The following KLB variants were observed in gnomAD, a reference collection of about 807,000 sequenced individuals.
KLB encodes the protein beta-klotho.
In KLB, 44 loss-of-function variants were observed where a neutral mutation model predicts 88.4. The ratio of observed to expected loss-of-function variants is 0.50; its 90% CI spans 0.39 to 0.64. The LOEUF (loss-of-function observed/expected upper bound fraction) is 0.64, where lower values mean the gene tolerates loss of function less well. Ranked by LOEUF, KLB falls within the 30% of genes least tolerant of loss-of-function variation. The probability of loss-of-function intolerance (pLI) is 0.00; values close to 1 mark genes in which losing one functional copy is unlikely to be tolerated. For synonymous variants in KLB, 548 were observed against 513.4 expected (o/e 1.07, Z -0.91); for missense variants, 1,137 against 1,304.8 (o/e 0.87, Z 1.98).
chr4:39,433,602 G>A (rs562287829), intron 1 of KLB, among the ~76,000 whole-genome samples: 59 of 152,316 alleles, frequency 3.9e-4, no homozygotes, highest in African/African-American at 1.4e-3. Flanking sequence ...GCTCATGCCT[G>A]TAATCCCAAC....
At position 39,450,673 on chromosome 4, in the gene KLB, A is replaced by C. The variant is rs1743871554; in HGVS notation, c.*1987A>C. ...GAGAACTATGTACCTAAGGTCACGC[A>C]TACAACTAGTCAATTCTGTTTTTAT... On this transcript the variant is annotated 3_prime_UTR_variant, in exon 5 of 5. Transcript: ENST00000257408. 6.6e-6 allele frequency: 1 copy of C among 152,188 alleles called. No individual in the cohort carries two copies. The highest frequency in any genetic ancestry group is 2.1e-4 in the South Asian group (1 of 4,832). The allele number at this position is 152,188 out of a possible 1,614,324, so 9.4% of individuals were successfully genotyped here. A position where few individuals can be genotyped will look rare whatever the true frequency, so the allele number is the denominator to read the frequency against.
intron 1 of KLB, among the ~76,000 whole-genome samples, chr4:39,432,688 G>GT (rs1468466707): frequency 6.6e-6 from 1 of 152,116 alleles, no homozygotes; most frequent in Non-Finnish European, 1.5e-5. Context: ...TGCTCAGGAA[G>GT]TATCTATCAT....
rs1198372571 is a variant in KLB, at chr4:39,448,434, G to A, written c.2883G>A (p.Val961=). 6.2e-7 allele frequency: 1 copy of A among 1,614,160 alleles called. No individual in the cohort carries two copies. The highest frequency in any genetic ancestry group is 1.7e-5 in the Admixed American group (1 of 60,020). The part of the protein sequence containing the change: ...AKSSIQFYNK[V]ISSRGFPFEN... ...CCTCAATACAATTTTACAACAAAGT[G>A]ATCAGCAGCAGGGGCTTCCCTTTTG... The change falls in exon 5 of 5, where the codon GTG becomes GTA. Residue 961 remains valine, a synonymous_variant. Transcript: ENST00000257408.
chr4:39,441,807 T>TAAATAAAGAAAG (rs1188575349), intron 3 of KLB: 9 of 148,490 alleles, frequency 6.1e-5, no homozygotes, highest in African/African-American at 1.7e-4. Context: ...AATAAATAAA[T>TAAATAAAGAAAG]AAAGATGAAT....
In KLB at chr4:39,450,630, G is replaced by A. The variant is rs551565790; in HGVS notation, c.*1944G>A. 6.6e-6 allele frequency: 1 copy of A among 152,202 alleles called. No individual in the cohort carries two copies. Among genetic ancestry groups the A allele is most frequent in the East Asian group, 1.9e-4 (1 of 5,184 alleles). The allele number at this position is 152,202 out of a possible 1,614,324, so 9.4% of individuals were successfully genotyped here. A position where few individuals can be genotyped will look rare whatever the true frequency, so the allele number is the denominator to read the frequency against. On this transcript the variant is annotated 3_prime_UTR_variant, in exon 5 of 5. Transcript: ENST00000257408. ...GTATGATTTTCAAGGAATTTTTTTA[G>A]TATTAACATCTCCCTCTGAGAACTA...
At chr4:39,431,003 G>A (rs546866705) in intron 1 of KLB, among the ~76,000 whole-genome samples, 2 of 149,594 alleles carry the variant, frequency 1.3e-5, no homozygotes, top group Non-Finnish European at 3.0e-5. Flanking sequence ...TGCAACCTCC[G>A]CCTCCCTGGC....
intron 1 of KLB, 87 bp downstream of exon 1, chr4:39,407,861 G>A: frequency 1.3e-6 from 1 of 761,246 alleles, no homozygotes; most frequent in East Asian, 2.6e-5. Context: ...TCTCTTCACT[G>A]AAATCAAGGC....
chr4:39,421,586 C>A (rs1025232444), intron 1 of KLB, among the ~76,000 whole-genome samples: 1 of 152,144 alleles, frequency 6.6e-6, no homozygotes, highest in African/African-American at 2.4e-5. Context: ...CCCGTCTCTA[C>A]TAAAAATACA....
intron 1 of KLB, among the ~76,000 whole-genome samples, chr4:39,413,567 AT>A (rs1742904834): frequency 6.6e-6 from 1 of 151,910 alleles, no homozygotes; most frequent in African/African-American, 2.4e-5. Context: ...TCTACAAAAA[AT>A]AAAAAATCAG....
intron 1 of KLB, among the ~76,000 whole-genome samples, chr4:39,417,670 A>G (rs1742992925): frequency 6.6e-6 from 1 of 152,238 alleles, no homozygotes; most frequent in African/African-American, 2.4e-5. Flanking sequence ...TGAGACAATT[A>G]TTACAGATAA....
intron 1 of KLB, among the ~76,000 whole-genome samples, chr4:39,429,118 A>G (rs1299709629): frequency 1.3e-5 from 2 of 152,238 alleles, no homozygotes; most frequent in Non-Finnish European, 2.9e-5. Context: ...TTCTTTAACC[A>G]TTGTTATTTA....
intron 1 of KLB, 117 bp from the exon 2 acceptor site, chr4:39,434,093 T>A: frequency 1.0e-6 from 1 of 977,244 alleles, no homozygotes; most frequent in Non-Finnish European, 1.5e-6. Context: ...CCCTGGCAGC[T>A]TTCCCCTGAA....
In KLB at chr4:39,449,320, C is replaced by CAAAAAAAAA. The variant is rs35648143; in HGVS notation, c.*642_*650dup. 1 of 109,254 alleles carries CAAAAAAAAA rather than the reference C, an allele frequency of 9.2e-6. No individual in the cohort carries two copies. Among genetic ancestry groups the CAAAAAAAAA allele is most frequent in the Non-Finnish European group, 1.9e-5 (1 of 51,666 alleles). 6.8% of individuals were successfully genotyped at this position (109,254 alleles called of 1,614,324 possible). On this transcript the variant is annotated 3_prime_UTR_variant, in exon 5 of 5. Transcript: ENST00000257408. Reference sequence around the variant, plus strand: ...TAGGCGACAACAGCAAGACTGTGTCCAAAAAAAAAAAAAAAAGCAAAAGCA... The same window carrying CAAAAAAAAA: ...TAGGCGACAACAGCAAGACTGTGTCCAAAAAAAAAAAAAAAAAAAAAAAAAGCAAAAGCA...
chr4:39,443,414 G>A (rs1041138459), intron 3 of KLB, among the ~76,000 whole-genome samples: 1 of 151,812 alleles, frequency 6.6e-6, no homozygotes, highest in Admixed American at 6.6e-5. Flanking sequence ...AAGGTGATAT[G>A]TGCCATATGG....
rs1387054649 is a variant in KLB, at chr4:39,434,543, A to G, written c.1159A>G (p.Lys387Glu). 3.1e-6 allele frequency: 5 copies of G among 1,614,222 alleles called. No individual in the cohort carries two copies. The highest frequency in any genetic ancestry group is 4.2e-6 in the Non-Finnish European group (5 of 1,180,028). ...NNFKPLNTMA[K>E]MGQNVSLNLR... ...CTTCAAGCCCCTAAACACCATGGCT[A>G]AAATGGGACAAAATGTTTCACTTAA... The change falls in exon 2 of 5, where the codon AAA (lysine) becomes GAA (glutamate). Residue 387 changes from lysine to glutamate, a missense_variant. Around this residue, in one of 4 missense-constraint regions of KLB, gnomAD observed 597 missense variants for 765.2 expected, o/e 0.78. Transcript: ENST00000257408.
intron 1 of KLB, among the ~76,000 whole-genome samples, chr4:39,431,323 A>G (rs62310827): frequency 0.063 from 9,586 of 151,048 alleles, 364 homozygotes; most frequent in East Asian, 0.1. Flanking sequence ...AGCTCACTGC[A>G]TCACTGCAAC....
intron 3 of KLB, among the ~76,000 whole-genome samples, chr4:39,439,627 G>T (rs1743553109): frequency 6.7e-6 from 1 of 150,210 alleles, no homozygotes; most frequent in African/African-American, 2.4e-5. Context: ...AAGTAGCTGG[G>T]ATTACAGGCA....
intron 2 of KLB, among the ~76,000 whole-genome samples, chr4:39,437,129 C>T (rs1017385323): frequency 6.6e-6 from 1 of 152,158 alleles, no homozygotes; most frequent in African/African-American, 2.4e-5. Context: ...AATGAGGAAA[C>T]CGAGGCCAAG....
chr4:39,440,122 C>T (rs1211886350), intron 3 of KLB, among the ~76,000 whole-genome samples: 2 of 145,880 alleles, frequency 1.4e-5, no homozygotes, highest in Non-Finnish European at 3.0e-5. Flanking sequence ...GTTTTCTTTT[C>T]TTCTTTTCTT....
Sources: allele counts gnomAD v4.1 joint callset (sites outside exome capture counted in the v4.1 genomes callset), GRCh38; gene constraint gnomAD v4.1.1; regional missense constraint gnomAD v4.1.1; transcripts MANE v1.5; gene names NCBI Gene and HGNC (gene_info 2026-07-23, HGNC 2026-07-21).